GRIK2: variants seen among roughly 807,000 people sequenced by gnomAD.
The protein encoded by GRIK2 is glutamate ionotropic receptor kainate type subunit 2.
GRIK2 carries 32 observed loss-of-function variants against 100.3 expected under a neutral mutation model. The observed-to-expected ratio is 0.32, with a 90% CI of 0.24 to 0.43. The LOEUF is 0.43. Among genes scored for constraint, GRIK2 ranks in the 20% least tolerant of loss-of-function variants. GRIK2 has a pLI of 1.00. For missense variants in GRIK2, 843 were observed against 1,114.9 expected, an observed-to-expected ratio of 0.76 and a Z score of 3.47; for synonymous variants, 417 against 389.4, an observed-to-expected ratio of 1.07 and a Z score of -0.83.
chr6:101,609,730 C>T (rs549238608), intron 2 of GRIK2, among the ~76,000 whole-genome samples: 4 of 151,732 alleles, frequency 2.6e-5, no homozygotes, highest in South Asian at 2.1e-4. Flanking sequence ...AAGTTAAGTC[C>T]GATAAGTCAA....
chr6:101,472,270 G>GGAAAT (rs1393050657), intron 2 of GRIK2, among the ~76,000 whole-genome samples: 1 of 151,682 alleles, frequency 6.6e-6, no homozygotes, highest in Non-Finnish European at 1.5e-5. Flanking sequence ...CATTTTCAAA[G>GGAAAT]ATGTCCTTTC....
chr6:101,801,300 AT>A (rs1780652474), intron 8 of GRIK2, among the ~76,000 whole-genome samples: 2 of 152,012 alleles, frequency 1.3e-5, no homozygotes, highest in South Asian at 2.1e-4. Flanking sequence ...GGCTAAAAAT[AT>A]TTTTTTCTTC....
chr6:102,052,792 A>C (rs1771264964), intron 15 of GRIK2, among the ~76,000 whole-genome samples: 1 of 152,296 alleles, frequency 6.6e-6, no homozygotes, highest in Non-Finnish European at 1.5e-5. Context: ...TATTTATATA[A>C]AAGAAATTAC....
intron 9 of GRIK2, among the ~76,000 whole-genome samples, chr6:101,807,566 A>C (rs1465952321): frequency 6.6e-6 from 1 of 151,936 alleles, no homozygotes; most frequent in Admixed American, 6.6e-5. Context: ...GAAAAGTTTC[A>C]TAGTGGAAAG....
intron 2 of GRIK2, among the ~76,000 whole-genome samples, chr6:101,521,548 A>C: frequency 6.6e-6 from 1 of 151,756 alleles, no homozygotes; most frequent in African/African-American, 2.4e-5. Flanking sequence ...TTATAGTTTT[A>C]AAATTTCTTT....
intron 2 of GRIK2, among the ~76,000 whole-genome samples, chr6:101,576,425 T>A (rs545016238): frequency 2.0e-5 from 3 of 152,190 alleles, no homozygotes; most frequent in Admixed American, 1.3e-4. Context: ...AATATTCCTC[T>A]GGGATGAATA....
At chr6:101,623,466 A>T (rs1236932309) in intron 3 of GRIK2, among the ~76,000 whole-genome samples, 2 of 152,140 alleles carry the variant, frequency 1.3e-5, no homozygotes, top group African/African-American at 4.8e-5. Flanking sequence ...TTAGTGGCAT[A>T]GTTCATGATT....
intron 7 of GRIK2, among the ~76,000 whole-genome samples, chr6:101,776,947 C>T (rs570215791): frequency 6.6e-6 from 1 of 152,298 alleles, no homozygotes; most frequent in Non-Finnish European, 1.5e-5. Context: ...GTTCCTTGTT[C>T]TGGAGAGTAT....
intron 4 of GRIK2, among the ~76,000 whole-genome samples, chr6:101,673,011 C>T (rs766977115): frequency 5.3e-5 from 8 of 152,102 alleles, no homozygotes; most frequent in Non-Finnish European, 1.0e-4. Context: ...AGTGGCTGAA[C>T]TAATTTACAT....
chr6:102,065,817 T>C, intron 16 of GRIK2: 1 of 1,521,592 alleles, frequency 6.6e-7, no homozygotes. Context: ...CTAAGTTACC[T>C]CAAGACTATG....
At chr6:102,055,291 G>C (rs753228792) in intron 15 of GRIK2, 39 bp from the exon 16 acceptor site, 4 of 1,500,478 alleles carry the variant, frequency 2.7e-6, no homozygotes, top group South Asian at 1.2e-5. Context: ...TGAAATTTCA[G>C]GTTCCTTGAA....
At position 101,640,765 on chromosome 6, in the gene GRIK2, G is replaced by T. The variant is rs76738912; in HGVS notation, c.541+14128G>T. Among the ~76,000 whole-genome samples the T allele has an allele frequency of 3.0e-4, 46 of 151,802 alleles. No homozygotes were observed. The East Asian group carries it at 8.5e-3, about 28-fold the overall frequency. ...TAATTTCTTTTTCTAATAAGTTTCT[G>T]GGTAATCGTGATGCCATTAGTTTAG... is the stretch of plus-strand genomic sequence containing the variant. On this transcript the variant is annotated intron_variant, in intron 4 of 16. Transcript: ENST00000369134.
Position 102,068,966 on chromosome 6 carries a change from C to G in GRIK2, c.*455C>G, listed in dbSNP as rs1772144887. 6.5e-6 allele frequency: 1 copy of G among 154,820 alleles called. No homozygotes were observed. The highest frequency in any genetic ancestry group is 1.4e-5 in the Non-Finnish European group (1 of 69,836). 9.6% of individuals were successfully genotyped at this position (154,820 alleles called of 1,614,324 possible). ...AGTACAGTCTTCTGAACACCCAGAT[C>G]ATAGAGGTGATGATGTTACTAGCCC... On this transcript the variant is annotated 3_prime_UTR_variant, in exon 17 of 17. Coordinates refer to ENST00000369134, the MANE Select transcript of GRIK2 (RefSeq NM_021956.5).
rs149472070 is a variant in GRIK2 at position 101,590,486 on chromosome 6, C to T, written c.116-31463C>T. On this transcript the variant is annotated intron_variant, in intron 2 of 16. Transcript: ENST00000369134. ...CAACCCCTGGAAAATTTCTCTAGCA[C>T]CCCAGCAGTGATTGGCTGACTCCAT... is the stretch of plus-strand genomic sequence containing the variant. Among the ~76,000 whole-genome samples the T allele has an allele frequency of 3.3e-5, 5 of 152,084 alleles. No homozygotes were observed. In the East Asian group the frequency reaches 9.7e-4, roughly 29 times the overall value.
chr6:101,950,974 T>C (rs1791572917), intron 14 of GRIK2, among the ~76,000 whole-genome samples: 1 of 152,176 alleles, frequency 6.6e-6, no homozygotes, highest in South Asian at 2.1e-4. Context: ...TTATTTTTAA[T>C]AAAGTTTAAG....
intron 2 of GRIK2, among the ~76,000 whole-genome samples, chr6:101,602,390 A>T (rs1481931488): frequency 6.6e-6 from 1 of 151,340 alleles, no homozygotes; most frequent in Non-Finnish European, 1.5e-5. Context: ...TTCATTGTAT[A>T]TATACAGTAA....
At chr6:101,638,916 A>T (rs1441598373) in intron 4 of GRIK2, among the ~76,000 whole-genome samples, 4 of 152,036 alleles carry the variant, frequency 2.6e-5, no homozygotes, top group Non-Finnish European at 5.9e-5. Flanking sequence ...GAGCCCAGGA[A>T]GTTGAAGCTA....
chr6:101,928,305 G>T, intron 13 of GRIK2, 110 bp from the exon 14 acceptor site: 1 of 656,040 alleles, frequency 1.5e-6, no homozygotes, highest in South Asian at 1.8e-5. Context: ...GTAAATCTTT[G>T]ATTTAAGCTT....
chr6:101,701,328 C>G (rs1321516606), intron 7 of GRIK2, among the ~76,000 whole-genome samples: 1 of 152,046 alleles, frequency 6.6e-6, no homozygotes, highest in Non-Finnish European at 1.5e-5. Context: ...TCTCAGTAGT[C>G]ATGCCGGAAC....
Sources: gnomAD v4.1 joint callset for allele counts (sites outside exome capture counted in the v4.1 genomes callset) on GRCh38, gnomAD v4.1.1 for gene constraint, MANE v1.5 for transcripts, NCBI Gene and HGNC (gene_info 2026-07-23, HGNC 2026-07-21) for gene names.